Variants in EIF3A observed in about 807,000 individuals in gnomAD.
EIF3A encodes the protein EIF3, p180 subunit.
Under a neutral mutation model 186.6 loss-of-function variants are expected in EIF3A, and 21 were observed. That is an observed-to-expected ratio of 0.11 (90% CI 0.08 to 0.16). The LOEUF (loss-of-function observed/expected upper bound fraction) is 0.16, where lower values mean the gene tolerates loss of function less well. Ranked by LOEUF, EIF3A falls within the 10% of genes least tolerant of loss-of-function variation. The pLI is 1.00. For synonymous variants in EIF3A, 563 were observed against 584.3 expected (o/e 0.96, Z 0.52); for missense variants, 1,306 against 1,796.3 (o/e 0.73, Z 4.93).
intron 6 of EIF3A, among the ~76,000 whole-genome samples, chr10:119,067,281 A>G (rs1330974418): frequency 6.6e-6 from 1 of 151,596 alleles, no homozygotes; most frequent in South Asian, 2.1e-4. Flanking sequence ...ACCATCCTCA[A>G]GAGTTTCTAA....
At chr10:119,041,940 A>T (rs1848213270) in intron 19 of EIF3A, 54 bp downstream of exon 19, 27 of 1,543,944 alleles carry the variant, frequency 1.7e-5, no homozygotes, top group Non-Finnish European at 2.4e-5. Flanking sequence ...TATCCATCAG[A>T]ATTTCACTTT....
At chr10:119,045,775 C>T (rs1033339209) in intron 17 of EIF3A, among the ~76,000 whole-genome samples, 2 of 152,112 alleles carry the variant, frequency 1.3e-5, no homozygotes, top group African/African-American at 4.8e-5. Context: ...TGTTGCCAGA[C>T]TGGTCTCAAG....
intron 14 of EIF3A, among the ~76,000 whole-genome samples, chr10:119,054,857 T>A (rs1848402872): frequency 6.6e-6 from 1 of 152,234 alleles, no homozygotes; most frequent in African/African-American, 2.4e-5. Context: ...AGGTGACTCT[T>A]CTATTCAGTT....
At position 119,061,230 on chromosome 10, in the gene EIF3A, G is replaced by A. The variant is rs746155055; in HGVS notation, c.1221C>T (p.Val407=). 1.9e-6 allele frequency: 3 copies of A among 1,547,212 alleles called. No individual in the cohort carries two copies. Among genetic ancestry groups the A allele is most frequent in the Middle Eastern group, 3.4e-4 (2 of 5,892 alleles). The change falls in exon 8 of 22, where the codon GTC becomes GTT. Residue 407 remains valine, a synonymous_variant. Coordinates refer to ENST00000369144, the MANE Select transcript of EIF3A (RefSeq NM_003750.4). ...EFNPLKLCER[V]TKVLNWVREQ... ...CTTAAATACAAAGGCTTACCTTTGT[G>A]ACTCGCTCACAGAGTTTTAATGGGT...
intron 1 of EIF3A, among the ~76,000 whole-genome samples, chr10:119,074,959 C>CAAAGCA (rs552622608): frequency 3.4e-3 from 348 of 102,426 alleles, no homozygotes; most frequent in African/African-American, 0.011. Context: ...AAATGGAATA[C>CAAAGCA]AAAGCAAAAT....
At chr10:119,049,681 G>A in intron 17 of EIF3A, 120 bp downstream of exon 17, 1 of 784,844 alleles carries the variant, frequency 1.3e-6, no homozygotes, top group Non-Finnish European at 2.1e-6. Flanking sequence ...GAACCCGGGG[G>A]CTGAGATTGC....
intron 1 of EIF3A, among the ~76,000 whole-genome samples, chr10:119,074,643 G>GA (rs2119820602): frequency 6.7e-6 from 1 of 150,102 alleles, no homozygotes; most frequent in South Asian, 2.1e-4. Flanking sequence ...TAAAAAAATA[G>GA]AAAAATGGGG....
chr10:119,043,030 TCC>T (rs1462082133), intron 18 of EIF3A, among the ~76,000 whole-genome samples: 1 of 151,722 alleles, frequency 6.6e-6, no homozygotes, highest in African/African-American at 2.4e-5. Flanking sequence ...ACACCTGTAA[TCC>T]CAGCACTTTG....
In EIF3A at chr10:119,056,927, T is replaced by C; in HGVS notation, c.2082+9A>G. 1 of 1,602,818 alleles carries C rather than the reference T, an allele frequency of 6.2e-7. No individual in the cohort carries two copies. Among genetic ancestry groups the C allele is most frequent in the Non-Finnish European group, 8.5e-7 (1 of 1,170,628 alleles). On this transcript the variant is annotated intron_variant, in intron 13 of 21. Coordinates refer to ENST00000369144, the MANE Select transcript of EIF3A (RefSeq NM_003750.4). ...GGTATGTTAAAGGTTTACCAACCCT[T>C]TCATTTACCTTCTTTTCTTGATTCT...
At chr10:119,063,733 C>T (rs1564757297) in intron 7 of EIF3A, among the ~76,000 whole-genome samples, 1 of 152,190 alleles carries the variant, frequency 6.6e-6, no homozygotes, top group East Asian at 1.9e-4. Context: ...AGGCACATAA[C>T]AGGCACTCAA....
At chr10:119,063,336 A>C (rs113208555) in intron 7 of EIF3A, among the ~76,000 whole-genome samples, 2 of 152,306 alleles carry the variant, frequency 1.3e-5, no homozygotes, top group African/African-American at 4.8e-5. Flanking sequence ...CTACAAAGTG[A>C]ATCTGCATTA....
rs764020470 is a variant in EIF3A, at chr10:119,072,957, C to T, written c.474G>A (p.Arg158=). 7 of 1,614,152 alleles carry T rather than the reference C, an allele frequency of 4.3e-6. No homozygotes were observed. The South Asian group carries it at 4.4e-5, about 10-fold the overall frequency. Residue 158 remains arginine (R), a synonymous_variant, in exon 4 of 22, where the codon AGG becomes AGA. Coordinates refer to ENST00000369144, the MANE Select transcript of EIF3A (RefSeq NM_003750.4). ...PWVKFLWESY[R]QCLDLLRNNS... ...TGTTTCTAAGAAGGTCCAAACACTG[C>T]CTGTAAGACTCCCACAGGAATTTAA...
intron 4 of EIF3A, among the ~76,000 whole-genome samples, chr10:119,072,152 C>G (rs1330956085): frequency 6.8e-6 from 1 of 146,994 alleles, no homozygotes; most frequent in Middle Eastern, 3.5e-3. Flanking sequence ...AAGTCTGAGA[C>G]CAGCCTGAGC....
At chr10:119,061,892 A>G (rs1205858424) in intron 7 of EIF3A, among the ~76,000 whole-genome samples, 1 of 152,024 alleles carries the variant, frequency 6.6e-6, no homozygotes, top group African/African-American at 2.4e-5. Flanking sequence ...GGAATATGTC[A>G]TTTTTTTTAG....
chr10:119,048,667 G>A lies in EIF3A; in HGVS notation c.2658+1134C>T, dbSNP rs139916678. 4.0e-3 allele frequency among the ~76,000 whole-genome samples: 606 copies of A among 151,100 alleles called. 3 individuals carry two copies. The highest frequency in any genetic ancestry group is 0.014 in the African/African-American group (565 of 41,202). On this transcript the variant is annotated intron_variant, in intron 17 of 21. Coordinates refer to ENST00000369144, the MANE Select transcript of EIF3A (RefSeq NM_003750.4). ...AGAATTCATCATCCTCTAAATTCAC[G>A]ATTCTTTTTTTTTTTTTCCCCTGAG...
In EIF3A at chr10:119,037,314, A is replaced by G. The variant is rs74610611; in HGVS notation, c.3729-5T>C. On this transcript the variant is annotated splice_polypyrimidine_tract_variant and splice_region_variant and intron_variant, in intron 20 of 21. Transcript: ENST00000369144. ...CTTCTCCAGCCACCTTCATCCCTGT[A>G]GCCATTTACAATGACAGGTCAGGTT... 6 of 1,613,630 alleles carry G rather than the reference A, an allele frequency of 3.7e-6. No individual in the cohort carries two copies.
intron 17 of EIF3A, among the ~76,000 whole-genome samples, chr10:119,044,996 G>T (rs1177674149): frequency 6.7e-6 from 1 of 148,154 alleles, no homozygotes; most frequent in African/African-American, 2.5e-5. Flanking sequence ...CCAGGATGGA[G>T]TGCAGTGGTA....
At chr10:119,046,337 T>A (rs1174227314) in intron 17 of EIF3A, among the ~76,000 whole-genome samples, 1 of 152,212 alleles carries the variant, frequency 6.6e-6, no homozygotes, top group Non-Finnish European at 1.5e-5. Flanking sequence ...CATTTATTGT[T>A]CAACGGTGAG....
Position 119,042,566 on chromosome 10 carries a change from T to A in EIF3A, c.2954A>T (p.Asp985Val). 6.2e-7 allele frequency: 1 copy of A among 1,614,168 alleles called. No individual in the cohort carries two copies. Among genetic ancestry groups the A allele is most frequent in the Non-Finnish European group, 8.5e-7 (1 of 1,180,036 alleles). Residue 985 changes from aspartate to valine, a missense_variant, in exon 19 of 22, where the codon GAC becomes GTC. By Grantham distance (152) the Asp-to-Val change is radical. Coordinates refer to ENST00000369144, the MANE Select transcript of EIF3A (RefSeq NM_003750.4). This position sits in a 1 kb window ranked among gnomAD's most constrained non-coding sequence, Gnocchi z 7.8. The part of the protein sequence containing the change: ...DRFSRRGADD[D>V]RPSWRNTDDD... ...ATCTGTGTTACGCCAGGAAGGCCGGTCATCGTCTGCCCCACGACGAGAGAA... is the reference window on the plus strand; with the variant it reads ...ATCTGTGTTACGCCAGGAAGGCCGGACATCGTCTGCCCCACGACGAGAGAA...
Sources: allele counts gnomAD v4.1 joint callset (sites outside exome capture counted in the v4.1 genomes callset), GRCh38; gene constraint gnomAD v4.1.1; non-coding constraint Gnocchi (gnomAD v3.1); transcripts MANE v1.5; gene names NCBI Gene and HGNC (gene_info 2026-07-23, HGNC 2026-07-21).